PCNT: variants seen among roughly 807,000 people sequenced by gnomAD.
PCNT encodes pericentrin, also known as kendrin.
PCNT carries 319 observed loss-of-function variants against 380.4 expected under a neutral mutation model. The observed-to-expected ratio is 0.84, with a 90% CI of 0.77 to 0.92. The LOEUF is 0.92. Ranked by LOEUF, PCNT falls within the 40% of genes least tolerant of loss-of-function variation. The pLI is 0.00. For synonymous variants in PCNT, 1,845 were observed against 1,735.2 expected (o/e 1.06, Z -1.57); for missense variants, 4,400 against 4,255.3 (o/e 1.03, Z -0.95).
At chr21:46,370,384 C>G (rs923973290) in intron 15 of PCNT, among the ~76,000 whole-genome samples, 7 of 151,922 alleles carry the variant, frequency 4.6e-5, no homozygotes, top group South Asian at 2.1e-4. Context: ...CGATTCAGAG[C>G]CTGGGAGGTG....
At chr21:46,351,384 C>T (rs569302076) in intron 8 of PCNT, 45 bp from the exon 9 acceptor site, 3 of 997,052 alleles carry the variant, frequency 3.0e-6, no homozygotes, top group East Asian at 4.7e-5. Flanking sequence ...GGGGTGGGGG[C>T]CTTGAGCTCA....
rs144445891 is a variant in PCNT, at chr21:46,412,983, C to T, written c.6141C>T (p.Asp2047=). 7.0e-5 allele frequency: 112 copies of T among 1,608,382 alleles called. 1 individual carries two copies. In the East Asian group the frequency reaches 1.1e-3, roughly 16 times the overall value. The change falls in exon 29 of 47, where the codon GAC becomes GAT. Residue 2047 remains aspartate (D), a synonymous_variant. Transcript: ENST00000359568. ...VKNEMRLSLE[D]GGKGKEKVLE... ...ATGAAATGCGCCTGAGTCTGGAGGA[C>T]GGCGGCAAGGTGTGGGGAGGGGGGA...
At chr21:46,399,844 A>G (rs1430277173) in intron 25 of PCNT, 48 bp downstream of exon 25, 2 of 1,505,384 alleles carry the variant, frequency 1.3e-6, no homozygotes, top group Non-Finnish European at 1.8e-6. Context: ...GGTGTCCCGC[A>G]GGCATGGCTT....
chr21:46,396,834 G>T lies in PCNT; in HGVS notation c.4217-431G>T, dbSNP rs190608357. On this transcript the variant is annotated intron_variant, in intron 21 of 46. Coordinates refer to ENST00000359568, the MANE Select transcript of PCNT (RefSeq NM_006031.6). ...GCCAGGCTGGTCTCAAACTCCTGAC[G>T]TCGAGTGATCCACCCGCCTCGGCCT... is the stretch of plus-strand genomic sequence containing the variant. Among the ~76,000 whole-genome samples, 13 of 152,180 alleles carry T rather than the reference G, an allele frequency of 8.5e-5. No homozygotes were observed. In the South Asian group the frequency reaches 2.5e-3, roughly 29 times the overall value.
At chr21:46,336,211 A>G (rs1408983090) in intron 3 of PCNT, among the ~76,000 whole-genome samples, 2 of 152,206 alleles carry the variant, frequency 1.3e-5, no homozygotes, top group Non-Finnish European at 2.9e-5. Context: ...TCCTGACCTC[A>G]GGTGATCCTC....
intron 29 of PCNT, among the ~76,000 whole-genome samples, chr21:46,414,553 ATGCAGC>A (rs2086936295): frequency 8.2e-6 from 1 of 121,312 alleles, no homozygotes; most frequent in Admixed American, 8.4e-5. Flanking sequence ...CCTCCTGGAC[ATGCAGC>A]CGCCCACCCT....
intron 15 of PCNT, among the ~76,000 whole-genome samples, chr21:46,368,826 T>G (rs914192098): frequency 3.3e-5 from 5 of 152,238 alleles, no homozygotes; most frequent in Admixed American, 6.5e-5. Flanking sequence ...TGTCAGACGT[T>G]TAAGAAGTAC....
At position 46,394,442 on chromosome 21, in the gene PCNT, T is replaced by C. The variant is rs985456792; in HGVS notation, c.4217-2823T>C. ...TGACGCTGCCGTCACTGGTTCTAGC[T>C]CTCACATTCTCAGCTGCACGTTTCT... is the stretch of plus-strand genomic sequence containing the variant. On this transcript the variant is annotated intron_variant, in intron 21 of 46. Coordinates refer to ENST00000359568, the MANE Select transcript of PCNT (RefSeq NM_006031.6). 6 of 808,110 alleles carry C rather than the reference T, an allele frequency of 7.4e-6. No individual in the cohort carries two copies. In the African/African-American group the frequency reaches 1.1e-4, roughly 15 times the overall value. The allele number at this position is 808,110 out of a possible 1,614,324, so 50.1% of individuals were successfully genotyped here.
chr21:46,415,180 T>C (rs1268328340), intron 29 of PCNT, among the ~76,000 whole-genome samples: 1 of 152,176 alleles, frequency 6.6e-6, no homozygotes, highest in Admixed American at 6.5e-5. Context: ...GTTTAGAGCC[T>C]GAAAGATTCT....
intron 13 of PCNT, among the ~76,000 whole-genome samples, chr21:46,360,760 C>T (rs369589956): frequency 4.6e-5 from 7 of 151,818 alleles, no homozygotes; most frequent in African/African-American, 9.7e-5. Flanking sequence ...CTTCCCGATC[C>T]GCCCACCTCG....
At chr21:46,391,499 C>A in intron 21 of PCNT, 123 bp downstream of exon 21, 1 of 784,834 alleles carries the variant, frequency 1.3e-6, no homozygotes, top group Non-Finnish European at 2.0e-6. Flanking sequence ...CAGCACGCAG[C>A]TTCTCCTGGA....
rs188024360 is a variant in PCNT at position 46,435,087 on chromosome 21, C to G, written c.8752-817C>G. ...CAGAGCAGCACAGCACGAGGGTGTG[C>G]AGTGTGTCAGCTGTGGGTCCCAGTA... is the stretch of plus-strand genomic sequence containing the variant. On this transcript the variant is annotated intron_variant, in intron 38 of 46. Coordinates refer to ENST00000359568, the MANE Select transcript of PCNT (RefSeq NM_006031.6). Among the ~76,000 whole-genome samples the G allele has an allele frequency of 2.6e-3, 389 of 152,312 alleles. 1 individual carries two copies. Among genetic ancestry groups the G allele is most frequent in the African/African-American group, 9.0e-3 (375 of 41,574 alleles).
At chr21:46,400,491 C>T (rs2086383256) in intron 25 of PCNT, among the ~76,000 whole-genome samples, 1 of 141,108 alleles carries the variant, frequency 7.1e-6, no homozygotes, top group South Asian at 2.4e-4. Context: ...GAGGAGGAGT[C>T]TTTCTCAGGT....
At chr21:46,377,919 G>A (rs116458538) in intron 15 of PCNT, among the ~76,000 whole-genome samples, 165 of 140,910 alleles carry the variant, frequency 1.2e-3, no homozygotes, top group African/African-American at 4.6e-3. Context: ...GCCTGGTGAT[G>A]TGCCGTCTGC....
Position 46,411,778 on chromosome 21 carries a change from G to T in PCNT, c.5705G>T (p.Arg1902Leu), listed in dbSNP as rs201536644. The T allele has an allele frequency of 6.2e-7, 1 of 1,604,830 alleles. No homozygotes were observed. The highest frequency in any genetic ancestry group is 8.5e-7 in the Non-Finnish European group (1 of 1,178,138). Residue 1902 changes from arginine (R) to leucine (L), a missense_variant, in exon 28 of 47, where the codon CGC becomes CTC. Coordinates refer to ENST00000359568, the MANE Select transcript of PCNT (RefSeq NM_006031.6). Reference sequence around the variant, plus strand: ...GTCCTGTTGGCCTTGGCCCGCATCCGCCGCGCCCTGGAGCAGCAGCCCCTG... The same window carrying T: ...GTCCTGTTGGCCTTGGCCCGCATCCTCCGCGCCCTGGAGCAGCAGCCCCTG... ...EAVLLALARI[R>L]RALEQQPLAA... is the part of the protein sequence containing the mutation.
intron 7 of PCNT, 76 bp from the exon 8 acceptor site, chr21:46,349,608 A>C (rs1324892511): frequency 6.7e-7 from 1 of 1,491,402 alleles, no homozygotes; most frequent in Non-Finnish European, 9.4e-7. Context: ...CTCTGGGTGC[A>C]CCATTATTGT....
At chr21:46,360,734 G>A (rs977971458) in intron 13 of PCNT, among the ~76,000 whole-genome samples, 3 of 151,254 alleles carry the variant, frequency 2.0e-5, no homozygotes, top group South Asian at 4.2e-4. Flanking sequence ...TAGCCAGGAT[G>A]GTCTCAATCT....
chr21:46,351,358 C>T (rs900545714), intron 8 of PCNT, 71 bp from the exon 9 acceptor site: 29 of 846,578 alleles, frequency 3.4e-5, no homozygotes, highest in East Asian at 2.4e-4. Context: ...GGGATAAAAC[C>T]GCACACGTCA....
At chr21:46,424,352 C>T (rs965280959) in intron 32 of PCNT, among the ~76,000 whole-genome samples, 2 of 152,214 alleles carry the variant, frequency 1.3e-5, no homozygotes, top group Admixed American at 6.5e-5. Flanking sequence ...CAGGCAGAGC[C>T]GCCTGGTCCT....
Sources: allele counts gnomAD v4.1 joint callset (sites outside exome capture counted in the v4.1 genomes callset), GRCh38; gene constraint gnomAD v4.1.1; transcripts MANE v1.5; gene names NCBI Gene and HGNC (gene_info 2026-07-23, HGNC 2026-07-21).